STK39: variants seen among roughly 807,000 people sequenced by gnomAD.
The protein encoded by STK39 is STE20/SPS1-related proline-alanine-rich protein kinase.
In STK39, 20 loss-of-function variants were observed where a neutral mutation model predicts 77.8. That is an observed-to-expected ratio of 0.26 (90% CI 0.18 to 0.37). STK39 has a LOEUF of 0.37. STK39 is among the 10% of genes least tolerant of loss of function. STK39 has a pLI of 1.00. For synonymous variants in STK39, 246 were observed against 234.1 expected (o/e 1.05, Z -0.47); for missense variants, 479 against 656.5 (o/e 0.73, Z 2.95).
intron 16 of STK39, among the ~76,000 whole-genome samples, chr2:167,995,258 C>T (rs377519490): frequency 2.6e-5 from 4 of 151,838 alleles, no homozygotes; most frequent in Admixed American, 6.6e-5. Context: ...TACAGGCACA[C>T]GACACCACAC....
At chr2:168,142,177 C>T (rs963124306) in intron 5 of STK39, among the ~76,000 whole-genome samples, 8 of 152,288 alleles carry the variant, frequency 5.3e-5, no homozygotes, top group Middle Eastern at 3.4e-3. Context: ...GAAAAGAAAT[C>T]TCTGGAACCA....
chr2:168,026,260 G>C (rs1684696286), intron 14 of STK39, among the ~76,000 whole-genome samples: 1 of 152,204 alleles, frequency 6.6e-6, no homozygotes, highest in South Asian at 2.1e-4. Flanking sequence ...AACTAATTCA[G>C]AGAAAGGTGT....
chr2:168,029,963 G>A (rs115743591), intron 14 of STK39, among the ~76,000 whole-genome samples: 5,453 of 152,208 alleles, frequency 0.036, 346 homozygotes, highest in African/African-American at 0.12. Context: ...ATTTTGGGCC[G>A]GGTGCGGTGG....
rs200820070 is a variant in STK39, at chr2:167,954,915, T to C, written c.*581A>G. The C allele has an allele frequency of 5.9e-5, 9 of 152,640 alleles. No individual in the cohort carries two copies. The highest frequency in any genetic ancestry group is 1.9e-4 in the African/African-American group (8 of 41,442). The allele number at this position is 152,640 out of a possible 1,614,324, so 9.5% of individuals were successfully genotyped here. A position where few individuals can be genotyped will look rare whatever the true frequency, so the allele number is the denominator to read the frequency against. ...TATAATCAAAACCCTTTTTTTCTTA[T>C]AGCTAAGGTGTGTAATGCATAAATA... On this transcript the variant is annotated 3_prime_UTR_variant, in exon 18 of 18. Transcript: ENST00000355999.
At chr2:168,091,737 A>T (rs560441137) in intron 10 of STK39, among the ~76,000 whole-genome samples, 24 of 152,268 alleles carry the variant, frequency 1.6e-4, no homozygotes, top group Non-Finnish European at 3.1e-4. Context: ...AAATAGGATA[A>T]CAAACCTCTT....
chr2:168,149,407 T>C (rs4668026), intron 5 of STK39, among the ~76,000 whole-genome samples: 1 of 152,008 alleles, frequency 6.6e-6, no homozygotes, highest in Non-Finnish European at 1.5e-5. Context: ...AGTGCAGAAG[T>C]GGAAGAAGGA....
intron 1 of STK39, among the ~76,000 whole-genome samples, chr2:168,216,168 AC>A (rs1480945950): frequency 6.6e-6 from 1 of 152,080 alleles, no homozygotes; most frequent in Non-Finnish European, 1.5e-5. Flanking sequence ...AGGCCTGCAA[AC>A]CCCAACCCAA....
At chr2:168,114,283 C>T (rs1687200516) in intron 10 of STK39, among the ~76,000 whole-genome samples, 1 of 152,142 alleles carries the variant, frequency 6.6e-6, no homozygotes, top group African/African-American at 2.4e-5. Flanking sequence ...TAACCTTAGA[C>T]AATAATTTCC....
At chr2:168,018,952 C>T (rs1228599263) in intron 14 of STK39, among the ~76,000 whole-genome samples, 1 of 152,152 alleles carries the variant, frequency 6.6e-6, no homozygotes, top group African/African-American at 2.4e-5. Context: ...AAGTCTCACA[C>T]CTTTCCATAA....
intron 1 of STK39, among the ~76,000 whole-genome samples, chr2:168,184,687 G>A (rs1689165019): frequency 6.6e-6 from 1 of 152,164 alleles, no homozygotes; most frequent in Admixed American, 6.5e-5. Context: ...AATTGCCAGT[G>A]AGGATCCACT....
chr2:168,019,609 A>G (rs1684521066), intron 14 of STK39, among the ~76,000 whole-genome samples: 1 of 152,216 alleles, frequency 6.6e-6, no homozygotes, highest in Non-Finnish European at 1.5e-5. Context: ...CCTGCCCTGG[A>G]GGTGGAGTGT....
intron 10 of STK39, among the ~76,000 whole-genome samples, chr2:168,083,340 G>A (rs1326082333): frequency 2.0e-5 from 3 of 149,924 alleles, no homozygotes; most frequent in Non-Finnish European, 4.4e-5. Flanking sequence ...ATATCAAACT[G>A]TATACTCCTT....
At chr2:168,088,701 T>G (rs934127583) in intron 10 of STK39, among the ~76,000 whole-genome samples, 1 of 151,782 alleles carries the variant, frequency 6.6e-6, no homozygotes, top group Non-Finnish European at 1.5e-5. Flanking sequence ...TAAAAGAAAA[T>G]GAGGAGAGGC....
intron 1 of STK39, among the ~76,000 whole-genome samples, chr2:168,213,959 ATT>A (rs1689959463): frequency 6.6e-6 from 1 of 152,176 alleles, no homozygotes; most frequent in Admixed American, 6.5e-5. Context: ...ATAGTAGAAT[ATT>A]CTATAGCCAC....
intron 16 of STK39, among the ~76,000 whole-genome samples, chr2:167,983,931 A>G (rs1273067094): frequency 1.3e-5 from 2 of 152,150 alleles, no homozygotes; most frequent in Admixed American, 1.3e-4. Context: ...CCTTCAGATT[A>G]TACATTTTAT....
chr2:168,199,909 A>T (rs746032955), intron 1 of STK39, among the ~76,000 whole-genome samples: 22 of 152,218 alleles, frequency 1.4e-4, no homozygotes, highest in Non-Finnish European at 2.8e-4. Flanking sequence ...TTTGGACAAC[A>T]GGTCTTCAGC....
chr2:168,055,931 G>A (rs1408379928), intron 14 of STK39, among the ~76,000 whole-genome samples: 1 of 152,090 alleles, frequency 6.6e-6, no homozygotes, highest in Admixed American at 6.5e-5. Context: ...TAGCATTTAG[G>A]AGGATTTCCT....
intron 14 of STK39, among the ~76,000 whole-genome samples, chr2:168,027,321 A>C (rs1362892749): frequency 3.3e-5 from 5 of 152,158 alleles, no homozygotes; most frequent in African/African-American, 1.2e-4. Flanking sequence ...CCTTGCCCTT[A>C]CATTTAACTT....
chr2:167,970,797 A>G (rs1017818427), intron 16 of STK39, among the ~76,000 whole-genome samples: 1 of 152,176 alleles, frequency 6.6e-6, no homozygotes, highest in African/African-American at 2.4e-5. Context: ...TGAGTGTTCA[A>G]ACTGTGTTCA....
Sources: gnomAD v4.1 joint callset for allele counts (sites outside exome capture counted in the v4.1 genomes callset) on GRCh38, gnomAD v4.1.1 for gene constraint, MANE v1.5 for transcripts, NCBI Gene and HGNC (gene_info 2026-07-23, HGNC 2026-07-21) for gene names.